The following SV2B variants were observed in gnomAD, a reference collection of about 807,000 sequenced individuals.
SV2B encodes synaptic vesicle glycoprotein 2B.
SV2B carries 41 observed loss-of-function variants against 73.9 expected under a neutral mutation model. The ratio of observed to expected loss-of-function variants is 0.56; its 90% CI spans 0.43 to 0.72. The LOEUF (loss-of-function observed/expected upper bound fraction) is 0.72, where lower values mean the gene tolerates loss of function less well. Ranked by LOEUF, SV2B falls within the 30% of genes least tolerant of loss-of-function variation. SV2B has a pLI of 0.00. For missense variants in SV2B, 764 were observed against 857.8 expected, an observed-to-expected ratio of 0.89 and a Z score of 1.37; for synonymous variants, 314 against 314.2, an observed-to-expected ratio of 1.00 and a Z score of 0.01.
intron 11 of SV2B, among the ~76,000 whole-genome samples, chr15:91,285,946 A>G (rs1227563313): frequency 6.6e-6 from 1 of 152,148 alleles, no homozygotes; most frequent in Non-Finnish European, 1.5e-5. Flanking sequence ...CTCACCACTG[A>G]AGCCCTTCGT....
rs1231940069 is a variant in SV2B at position 91,232,110 on chromosome 15, AAGG to A, written c.451+5402_451+5404del. On this transcript the variant is annotated intron_variant, in intron 2 of 12. Coordinates refer to ENST00000394232, the MANE Select transcript of SV2B (RefSeq NM_001323032.3). This position sits in a 1 kb window ranked among gnomAD's most constrained non-coding sequence, Gnocchi z 4.7. ...GCCTAAATTCATTGTCAGTTCCTGA[AAGG>A]AGGAGCCACTCTGTGTCTCAGAAGG... is the stretch of plus-strand genomic sequence containing the variant. Among the ~76,000 whole-genome samples the A allele has an allele frequency of 1.3e-5, 2 of 152,126 alleles. No individual in the cohort carries two copies. The highest frequency in any genetic ancestry group is 2.9e-5 in the Non-Finnish European group (2 of 68,012).
At chr15:91,249,068 T>TCACACACACACA (rs59552488) in intron 2 of SV2B, among the ~76,000 whole-genome samples, 2,120 of 142,014 alleles carry the variant, frequency 0.015, 30 homozygotes, top group African/African-American at 0.024. Context: ...ATCTACGTTT[T>TCACACACACACA]CACACACACA....
Position 91,252,476 on chromosome 15 carries a change from G to A in SV2B, c.740G>A (p.Gly247Asp). The A allele has an allele frequency of 3.1e-6, 5 of 1,613,632 alleles. No homozygotes were observed. In the South Asian group the frequency reaches 4.4e-5, roughly 14 times the overall value. Residue 247 changes from glycine to aspartate, a missense_variant, in exon 4 of 13, where the codon GGC becomes GAC. Physicochemically the swap from Gly to Asp is moderately conservative, Grantham distance 94. Coordinates refer to ENST00000394232, the MANE Select transcript of SV2B (RefSeq NM_001323032.3). This position sits in a 1 kb window ranked among gnomAD's most constrained non-coding sequence, Gnocchi z 4.6. ...CTGGGCATCTTCTGGATGACTGGGG[G>A]CCTGTACGCATCTGCCATGGCCTGG... ...SWLGIFWMTGGLYASAMAWSI... is the reference protein window; with the variant it reads ...SWLGIFWMTGDLYASAMAWSI...
rs116812585 is a variant in SV2B at position 91,137,152 on chromosome 15, T to A, written c.-392+36789T>A. On this transcript the variant is annotated intron_variant, in intron 1 of 12. Coordinates refer to ENST00000394232, the MANE Select transcript of SV2B (RefSeq NM_001323032.3). The surrounding 1 kb of genome is among the most constrained non-coding windows in gnomAD (Gnocchi z 4.9). ...GGTGAGAGGGCCAGGTCACATAACC[T>A]CCAAATCCCATGTATTTTTTCATGG... is the stretch of plus-strand genomic sequence containing the variant. 0.013 allele frequency among the ~76,000 whole-genome samples: 2,020 copies of A among 152,246 alleles called. 44 individuals are homozygous for A. The highest frequency in any genetic ancestry group is 0.046 in the African/African-American group (1,918 of 41,534).
At chr15:91,198,469 G>GTA (rs1286987391) in intron 1 of SV2B, among the ~76,000 whole-genome samples, 1 of 142,268 alleles carries the variant, frequency 7.0e-6, no homozygotes, top group African/African-American at 3.0e-5. Flanking sequence ...GTGTGTGTGT[G>GTA]TGTGTGTGTG....
Position 91,129,322 on chromosome 15 carries a change from T to G in SV2B, c.-392+28959T>G, listed in dbSNP as rs2042576102. 6.6e-6 allele frequency among the ~76,000 whole-genome samples: 1 copy of G among 152,180 alleles called. No homozygotes were observed. Among genetic ancestry groups the G allele is most frequent in the African/African-American group, 2.4e-5 (1 of 41,442 alleles). Reference sequence around the variant, plus strand: ...GCATTTCATAAATGAAATTTACCATTTCATAAGGTAAAGTGAAAGGAAGGC... The same window carrying G: ...GCATTTCATAAATGAAATTTACCATGTCATAAGGTAAAGTGAAAGGAAGGC... On this transcript the variant is annotated intron_variant, in intron 1 of 12. Transcript: ENST00000394232. The surrounding 1 kb of genome is among the most constrained non-coding windows in gnomAD (Gnocchi z 5.1).
intron 2 of SV2B, among the ~76,000 whole-genome samples, chr15:91,238,702 A>T (rs1056322068): frequency 2.0e-5 from 3 of 151,830 alleles, no homozygotes; most frequent in African/African-American, 7.3e-5. Context: ...GGAAGGGGAA[A>T]CTGCAGGGGT....
At chr15:91,205,193 TA>T (rs900318182) in intron 1 of SV2B, among the ~76,000 whole-genome samples, 2 of 152,080 alleles carry the variant, frequency 1.3e-5, no homozygotes, top group Non-Finnish European at 2.9e-5. Flanking sequence ...AGTGTCAACC[TA>T]AAATAACCAA....
intron 1 of SV2B, among the ~76,000 whole-genome samples, chr15:91,182,387 G>A (rs1048471502): frequency 6.6e-6 from 1 of 152,176 alleles, no homozygotes; most frequent in South Asian, 2.1e-4. Flanking sequence ...TTGAATGCAC[G>A]CATGCATGAA....
chr15:91,174,098 C>T (rs756873), intron 1 of SV2B, among the ~76,000 whole-genome samples: 61,127 of 152,098 alleles, frequency 0.4, 14,384 homozygotes, highest in African/African-American at 0.64. Context: ...AAGTCTAATA[C>T]CAAACAGGTT....
At chr15:91,135,429 G>T (rs2042791525) in intron 1 of SV2B, among the ~76,000 whole-genome samples, 1 of 152,210 alleles carries the variant, frequency 6.6e-6, no homozygotes, top group African/African-American at 2.4e-5. Flanking sequence ...CTACATGGTG[G>T]TGAGGGGAAC....
chr15:91,244,563 C>A (rs556857198), intron 2 of SV2B, among the ~76,000 whole-genome samples: 3 of 152,216 alleles, frequency 2.0e-5, no homozygotes, highest in Admixed American at 2.0e-4. Context: ...ATAAACAAAG[C>A]ACCTGGCTGA....
rs1221913667 is a variant in SV2B, at chr15:91,289,558, C to T, written c.1746C>T (p.Phe582=). Residue 582 remains phenylalanine, a synonymous_variant, in exon 12 of 13, where the codon TTC becomes TTT. Coordinates refer to ENST00000394232, the MANE Select transcript of SV2B (RefSeq NM_001323032.3). The surrounding 1 kb of genome is among the most constrained non-coding windows in gnomAD (Gnocchi z 4.9). ...TAATCTCTGCAGTCTGCTGCTTCTT[C>T]CTGTTTTTTGGCAACAGTGAGTCTG... is the stretch of plus-strand genomic sequence containing the variant. ...SMLISAVCCF[F]LFFGNSESAM... is the part of the protein sequence containing the mutation. The T allele has an allele frequency of 1.9e-6, 3 of 1,614,242 alleles. No homozygotes were observed. Among genetic ancestry groups the T allele is most frequent in the Non-Finnish European group, 2.5e-6 (3 of 1,180,042 alleles).
chr15:91,254,279 C>A (rs1415867288), intron 4 of SV2B, among the ~76,000 whole-genome samples: 1 of 149,602 alleles, frequency 6.7e-6, no homozygotes, highest in South Asian at 2.1e-4. Context: ...TTCTATCACC[C>A]AGGCTGGAGT....
chr15:91,177,350 G>C (rs2044354573), intron 1 of SV2B, among the ~76,000 whole-genome samples: 1 of 151,712 alleles, frequency 6.6e-6, no homozygotes, highest in South Asian at 2.1e-4. Context: ...TGTTCTTTTG[G>C]CTTAGGATTG....
Position 91,252,519 on chromosome 15 carries a change from T to C in SV2B, c.783T>C (p.Tyr261=). 6.2e-7 allele frequency: 1 copy of C among 1,603,280 alleles called. No homozygotes were observed. Among genetic ancestry groups the C allele is most frequent in the Non-Finnish European group, 8.5e-7 (1 of 1,174,288 alleles). The part of the protein sequence containing the change: ...SAMAWSIIPH[Y]GWGFSMGTNY... ...TGGCCTGGAGCATCATCCCACACTA[T>C]GGTGAGTCATGGCTCCAAACAGCCT... Residue 261 remains tyrosine (Y), a splice_region_variant and synonymous_variant, in exon 4 of 13, where the codon TAT becomes TAC. Coordinates refer to ENST00000394232, the MANE Select transcript of SV2B (RefSeq NM_001323032.3). The surrounding 1 kb of genome is among the most constrained non-coding windows in gnomAD (Gnocchi z 4.6).
chr15:91,218,226 A>G (rs2046100000), intron 1 of SV2B, among the ~76,000 whole-genome samples: 1 of 152,188 alleles, frequency 6.6e-6, no homozygotes. Context: ...GCATGGTCTC[A>G]TGAGAATGAG....
chr15:91,260,242 G>T, intron 5 of SV2B, 78 bp from the exon 6 acceptor site: 1 of 1,286,808 alleles, frequency 7.8e-7, no homozygotes, highest in South Asian at 1.4e-5. Context: ...CATTGAGTTT[G>T]TAGGATTTTC....
chr15:91,200,849 T>G (rs545929294), intron 1 of SV2B, among the ~76,000 whole-genome samples: 1 of 152,280 alleles, frequency 6.6e-6, no homozygotes, highest in East Asian at 1.9e-4. Context: ...AGTTCAAGAC[T>G]GCAGTGAGCC....
Sources: gnomAD v4.1 joint callset for allele counts (sites outside exome capture counted in the v4.1 genomes callset) on GRCh38, gnomAD v4.1.1 for gene constraint, Gnocchi (gnomAD v3.1) non-coding constraint, MANE v1.5 for transcripts, NCBI Gene and HGNC (gene_info 2026-07-23, HGNC 2026-07-21) for gene names.